The following RBPJ variants were observed in gnomAD, a reference collection of about 807,000 sequenced individuals.
RBPJ encodes the protein recombination signal binding protein for immunoglobulin kappa J region.
A neutral mutation model predicts 67.8 loss-of-function variants in RBPJ; 9 were observed. The ratio of observed to expected loss-of-function variants is 0.13; its 90% CI spans 0.08 to 0.23. The LOEUF is 0.23. RBPJ is among the 10% of genes least tolerant of loss of function. RBPJ has a pLI of 1.00. For missense variants in RBPJ, 305 were observed against 595.6 expected, an observed-to-expected ratio of 0.51 and a Z score of 5.08; for synonymous variants, 198 against 203.3, an observed-to-expected ratio of 0.97 and a Z score of 0.22.
intron 1 of RBPJ, among the ~76,000 whole-genome samples, chr4:26,378,378 G>T (rs778655251): frequency 6.6e-6 from 1 of 151,984 alleles, no homozygotes; most frequent in African/African-American, 2.4e-5. Flanking sequence ...TCTTTTTGAG[G>T]CCATACTCTT....
chr4:26,178,658 C>T (rs1296924960), intron 1 of RBPJ, among the ~76,000 whole-genome samples: 1 of 149,644 alleles, frequency 6.7e-6, no homozygotes, highest in Non-Finnish European at 1.5e-5. Flanking sequence ...AGCCTCAGGC[C>T]AGACTGCATG....
At chr4:26,391,043 C>T (rs1473774869) in intron 2 of RBPJ, among the ~76,000 whole-genome samples, 4 of 152,154 alleles carry the variant, frequency 2.6e-5, no homozygotes, top group African/African-American at 7.2e-5. Flanking sequence ...GATGACAGAG[C>T]GAGACCCTGT....
intron 1 of RBPJ, among the ~76,000 whole-genome samples, chr4:26,191,241 ATAGAGAGAGAGAGAGG>A (rs1255363873): frequency 2.0e-3 from 190 of 93,354 alleles, no homozygotes; most frequent in African/African-American, 7.8e-3. Context: ...AGAGAGAGAG[ATAGAGAGAGAGAGAGG>A]GAGAGAGGGA....
chr4:26,227,433 T>A, intron 1 of RBPJ, among the ~76,000 whole-genome samples: 1 of 152,208 alleles, frequency 6.6e-6, no homozygotes, highest in East Asian at 1.9e-4. Flanking sequence ...TGTAAAGAGC[T>A]TGGCACATGA....
At chr4:26,235,826 T>C (rs528427777) in intron 1 of RBPJ, among the ~76,000 whole-genome samples, 9 of 152,364 alleles carry the variant, frequency 5.9e-5, no homozygotes, top group African/African-American at 1.7e-4. Flanking sequence ...CTAATTCCCT[T>C]TAGGGTGAGA....
At chr4:26,345,489 C>G (rs1434340696) in intron 1 of RBPJ, among the ~76,000 whole-genome samples, 1 of 152,178 alleles carries the variant, frequency 6.6e-6, no homozygotes, top group African/African-American at 2.4e-5. Context: ...ATTTCCTAAT[C>G]ACACCAACTC....
the RBPJ span, among the ~76,000 whole-genome samples, chr4:26,114,213 C>G: frequency 2.0e-5 from 3 of 152,120 alleles, no homozygotes; most frequent in African/African-American, 4.8e-5. Flanking sequence ...AATCCCAGCA[C>G]TTTGGGAGGC....
intron 1 of RBPJ, among the ~76,000 whole-genome samples, chr4:26,330,699 A>G (rs1724148053): frequency 6.6e-6 from 1 of 152,180 alleles, no homozygotes; most frequent in Admixed American, 6.5e-5. Flanking sequence ...GTTTGATTTT[A>G]GGCATTGTTT....
intron 1 of RBPJ, among the ~76,000 whole-genome samples, chr4:26,180,696 C>G (rs189423955): frequency 6.6e-6 from 1 of 152,306 alleles, no homozygotes; most frequent in African/African-American, 2.4e-5. Flanking sequence ...ATGCATGAAT[C>G]TGGGGGGGAC....
chr4:26,362,601 C>T (rs1383771475), intron 1 of RBPJ: 1 of 1,613,950 alleles, frequency 6.2e-7, no homozygotes, highest in East Asian at 2.2e-5. Flanking sequence ...TTAACATGTT[C>T]TTGAAGTACC....
At chr4:26,211,554 T>C (rs1285470267) in intron 1 of RBPJ, among the ~76,000 whole-genome samples, 1 of 152,216 alleles carries the variant, frequency 6.6e-6, no homozygotes, top group African/African-American at 2.4e-5. Flanking sequence ...TTCATAAAGT[T>C]GCACGACCAT....
At chr4:26,319,968 G>T (rs937891756), upstream of RBPJ, 29 of 1,277,628 alleles carry the variant, frequency 2.3e-5, no homozygotes, top group Non-Finnish European at 3.0e-5. Context: ...GGGGGCTTCC[G>T]GGATCAGGCC....
At chr4:26,184,958 A>T (rs1444987455) in intron 1 of RBPJ, among the ~76,000 whole-genome samples, 1 of 152,108 alleles carries the variant, frequency 6.6e-6, no homozygotes, top group Non-Finnish European at 1.5e-5. Flanking sequence ...CCTGGCCAAC[A>T]TGGCAAAGCC....
chr4:26,321,966 CT>C (rs1723129352), intron 1 of RBPJ: 1 of 152,222 alleles, frequency 6.6e-6, no homozygotes, highest in South Asian at 2.1e-4. Context: ...TCCCGCCCCC[CT>C]ATCGCCACCC....
intron 1 of RBPJ, among the ~76,000 whole-genome samples, chr4:26,211,311 A>C (rs182092887): frequency 1.1e-3 from 161 of 152,338 alleles, no homozygotes; most frequent in African/African-American, 3.7e-3. Flanking sequence ...CTCAAGGCCC[A>C]CACAGCCCCA....
chr4:26,191,578 G>A (rs1421844765), intron 1 of RBPJ, among the ~76,000 whole-genome samples: 1 of 152,130 alleles, frequency 6.6e-6, no homozygotes, highest in East Asian at 1.9e-4. Flanking sequence ...AAAGTGCAGG[G>A]AGCAAAGTCC....
chr4:26,210,735 A>ACTTCTTTC lies in RBPJ; in HGVS notation c.-167+47138_-167+47145dup, dbSNP rs1262418473. 2.7e-3 allele frequency among the ~76,000 whole-genome samples: 131 copies of ACTTCTTTC among 48,992 alleles called. 4 individuals are homozygous for ACTTCTTTC. The highest frequency in any genetic ancestry group is 3.1e-3 in the Non-Finnish European group (80 of 25,538). The allele number at this position is 48,992 out of a possible 152,430, so 32.1% of individuals were successfully genotyped here. ...TCTTTCCTTCTTTCTTTCCTTCTTT[A>ACTTCTTTC]CTTCTTTCCTTCTTTCCTTCTTTCT... On this transcript the variant is annotated intron_variant, in intron 1 of 4. Coordinates refer to the RBPJ transcript ENST00000512351.
Position 26,335,123 on chromosome 4 carries a change from C to T in RBPJ, c.20+14075C>T, listed in dbSNP as rs75593363. Among the ~76,000 whole-genome samples, 848 of 152,222 alleles carry T rather than the reference C, an allele frequency of 5.6e-3. 22 individuals carry two copies. The East Asian group carries it at 0.066, about 12-fold the overall frequency. On this transcript the variant is annotated intron_variant, in intron 1 of 10. Coordinates refer to ENST00000355476, the MANE Select transcript of RBPJ (RefSeq NM_015874.6). ...TGTCCATCTGGCTGCCACAGGTAAA[C>T]GTTAACTTCAGTAACTTCCTTATTT...
intron 1 of RBPJ, among the ~76,000 whole-genome samples, chr4:26,377,724 C>A (rs76364584): frequency 0.091 from 13,767 of 152,104 alleles, 794 homozygotes; most frequent in East Asian, 0.29. Context: ...ACATTTTTTT[C>A]TGTAAATTCT....
Sources: gnomAD v4.1 joint callset for allele counts (sites outside exome capture counted in the v4.1 genomes callset) on GRCh38, gnomAD v4.1.1 for gene constraint, MANE v1.5 for transcripts, NCBI Gene and HGNC (gene_info 2026-07-23, HGNC 2026-07-21) for gene names.